The following DCHS1 variants were observed in gnomAD, a reference collection of about 807,000 sequenced individuals.
DCHS1 encodes dachsous cadherin-related 1, also known as protocadherin-16.
DCHS1 carries 78 observed loss-of-function variants against 213.9 expected under a neutral mutation model. The ratio of observed to expected loss-of-function variants is 0.36; its 90% confidence interval spans 0.30 to 0.44. The LOEUF (loss-of-function observed/expected upper bound fraction) is 0.44, where lower values mean the gene tolerates loss of function less well. Among genes scored for constraint, DCHS1 ranks in the 20% least tolerant of loss-of-function variants. The probability of loss-of-function intolerance (pLI) is 1.00; values close to 1 mark genes in which losing one functional copy is unlikely to be tolerated. For synonymous variants in DCHS1, 1,828 were observed against 1,873.7 expected (o/e 0.98, Z 0.63); for missense variants, 3,946 against 4,395.9 (o/e 0.90, Z 2.89).
At chr11:6,649,845 A>G (rs1856219868) in intron 1 of DCHS1, among the ~76,000 whole-genome samples, 5 of 152,238 alleles carry the variant, frequency 3.3e-5, no homozygotes, top group Admixed American at 3.3e-4. Context: ...TGTAGCAACC[A>G]GAATGTTGAA....
Position 6,641,071 on chromosome 11 carries a change from C to G in DCHS1, c.543G>C (p.Ala181=), listed in dbSNP as rs148357575. The G allele has an allele frequency of 6.2e-7, 1 of 1,614,006 alleles. No individual in the cohort carries two copies. The highest frequency in any genetic ancestry group is 1.7e-5 in the Admixed American group (1 of 60,032). ...DAGRLGTQGY[A]LSGDGAGETF... Reference sequence around the variant, plus strand: ...TCTCTCCAGCCCCATCACCAGATAGCGCATAGCCCTGGGTTCCCAGACGCC... The same window carrying G: ...TCTCTCCAGCCCCATCACCAGATAGGGCATAGCCCTGGGTTCCCAGACGCC... The change falls in exon 2 of 21, where the codon GCG becomes GCC. Residue 181 remains alanine, a synonymous_variant. Transcript: ENST00000299441. The surrounding 1 kb of genome is among the most constrained non-coding windows in gnomAD (Gnocchi z 7.1).
In DCHS1 at chr11:6,633,526, C is replaced by T. The variant is rs1855944237; in HGVS notation, c.2341G>A (p.Val781Met). Residue 781 changes from valine to methionine, a missense_variant, in exon 5 of 21, where the codon GTG becomes ATG. Coordinates refer to ENST00000299441, the MANE Select transcript of DCHS1 (RefSeq NM_003737.4). ...ATGGGTGGTGTGGGGGTTCCAGGCA[C>T]AATGCTGATGTCCACTCGGGCACTG... Reference protein sequence around the residue: ...EPSARVDISIVPGTPTPPIFE... With the variant: ...EPSARVDISIMPGTPTPPIFE... 6.3e-7 allele frequency: 1 copy of T among 1,586,560 alleles called. No homozygotes were observed. The highest frequency in any genetic ancestry group is 1.3e-5 in the African/African-American group (1 of 74,384).
At chr11:6,650,012 C>A (rs1455914496) in intron 1 of DCHS1, among the ~76,000 whole-genome samples, 2 of 152,182 alleles carry the variant, frequency 1.3e-5, no homozygotes, top group African/African-American at 4.8e-5. Flanking sequence ...GATACTGCTA[C>A]CTCCATTTTC....
rs186828054 is a variant in DCHS1, at chr11:6,626,568, G to A, written c.6348C>T (p.Ser2116=). The A allele has an allele frequency of 6.2e-7, 1 of 1,613,994 alleles. No homozygotes were observed. The highest frequency in any genetic ancestry group is 1.3e-5 in the African/African-American group (1 of 75,056). Residue 2116 remains serine, a synonymous_variant, in exon 15 of 21, where the codon TCC becomes TCT. Coordinates refer to ENST00000299441, the MANE Select transcript of DCHS1 (RefSeq NM_003737.4). The surrounding 1 kb of genome is among the most constrained non-coding windows in gnomAD (Gnocchi z 5.2). Reference sequence around the variant, plus strand: ...ATTTCTTACCTGTACTAGGCTGGATGGAGAATGTCCCTTTCTCATTCCCAC... The same window carrying A: ...ATTTCTTACCTGTACTAGGCTGGATAGAGAATGTCCCTTTCTCATTCCCAC... The part of the protein sequence containing the change: ...ILSGNEKGTF[S]IQPSTGAITV...
In DCHS1 at chr11:6,625,949, G is replaced by A; in HGVS notation, c.6702C>T (p.Ile2234=). The A allele has an allele frequency of 1.2e-6, 2 of 1,613,638 alleles. No homozygotes were observed. Among genetic ancestry groups the A allele is most frequent in the Non-Finnish European group, 8.5e-7 (1 of 1,179,742 alleles). The change falls in exon 17 of 21, where the codon ATC becomes ATT. Residue 2234 remains isoleucine, a synonymous_variant. Coordinates refer to ENST00000299441, the MANE Select transcript of DCHS1 (RefSeq NM_003737.4). This position sits in a 1 kb window ranked among gnomAD's most constrained non-coding sequence, Gnocchi z 5.3. ...TTTCAGCCCAGATCTCACGGTCCAG[G>A]ATGGCTGTGGTAGTGATAGTGCCTG... The part of the protein sequence containing the change: ...PTTGTITTTA[I]LDREIWAETR...
In DCHS1 at chr11:6,641,073, C is replaced by T; in HGVS notation, c.541G>A (p.Ala181Thr). The T allele has an allele frequency of 6.2e-7, 1 of 1,614,024 alleles. No homozygotes were observed. Among genetic ancestry groups the T allele is most frequent in the Non-Finnish European group, 8.5e-7 (1 of 1,179,896 alleles). Residue 181 changes from alanine (A) to threonine (T), a missense_variant, in exon 2 of 21, where the codon GCG becomes ACG. Coordinates refer to ENST00000299441, the MANE Select transcript of DCHS1 (RefSeq NM_003737.4). This position sits in a 1 kb window ranked among gnomAD's most constrained non-coding sequence, Gnocchi z 7.1. Reference protein sequence around the residue: ...DAGRLGTQGYALSGDGAGETF... With the variant: ...DAGRLGTQGYTLSGDGAGETF... ...TCTCCAGCCCCATCACCAGATAGCG[C>T]ATAGCCCTGGGTTCCCAGACGCCCA...
chr11:6,648,002 T>C (rs960225010), intron 1 of DCHS1, among the ~76,000 whole-genome samples: 6 of 152,208 alleles, frequency 3.9e-5, no homozygotes, highest in Admixed American at 2.0e-4. Flanking sequence ...GGAAGGACTC[T>C]AGACTTCGGC....
At chr11:6,650,439 G>T (rs1856227254) in intron 1 of DCHS1, among the ~76,000 whole-genome samples, 1 of 152,186 alleles carries the variant, frequency 6.6e-6, no homozygotes, top group Admixed American at 6.5e-5. Flanking sequence ...AAGCTGGGAA[G>T]AAGCTAGGAG....
intron 1 of DCHS1, among the ~76,000 whole-genome samples, chr11:6,644,122 T>A (rs1463406578): frequency 6.6e-6 from 1 of 152,222 alleles, no homozygotes; most frequent in African/African-American, 2.4e-5. Flanking sequence ...TGGAGATACC[T>A]ACACAACTCT....
Position 6,625,449 on chromosome 11 carries a change from T to A in DCHS1, c.6895A>T (p.Thr2299Ser). The A allele has an allele frequency of 6.2e-7, 1 of 1,601,952 alleles. No homozygotes were observed. The highest frequency in any genetic ancestry group is 8.5e-7 in the Non-Finnish European group (1 of 1,173,374). ...ALLGSEIAQV[T>S]GNDVDSGPVL... ...GGTCCTGAGTCCACATCATTCCCTG[T>A]TACCTGTGCAATCTCTGAGCCCAAT... Residue 2299 changes from threonine (T) to serine (S), a missense_variant, in exon 19 of 21, where the codon ACA becomes TCA. This residue lies in a region of DCHS1 where 3,384 missense variants were observed against 3,780.1 expected (regional missense o/e 0.90). Coordinates refer to ENST00000299441, the MANE Select transcript of DCHS1 (RefSeq NM_003737.4). This position sits in a 1 kb window ranked among gnomAD's most constrained non-coding sequence, Gnocchi z 5.3.
chr11:6,633,529 T>C lies in DCHS1; in HGVS notation c.2338A>G (p.Ile780Val), dbSNP rs145735483. The change falls in exon 5 of 21, where the codon ATT becomes GTT. Residue 780 changes from isoleucine to valine, a missense_variant. This residue lies in a region of DCHS1 where 3,384 missense variants were observed against 3,780.1 expected (regional missense o/e 0.90). Transcript: ENST00000299441. ...GGTGGTGTGGGGGTTCCAGGCACAA[T>C]GCTGATGTCCACTCGGGCACTGGGT... ...AEPSARVDIS[I>V]VPGTPTPPIF... 128 of 1,587,124 alleles carry C rather than the reference T, an allele frequency of 8.1e-5. 1 individual carries two copies. The African/African-American group carries it at 1.5e-3, about 19-fold the overall frequency.
In DCHS1 at chr11:6,626,939, G is replaced by A. The variant is rs368931265; in HGVS notation, c.6100C>T (p.Arg2034Cys). ...RSPVALGPRDRVLFIVATDLG... is the reference protein window; with the variant it reads ...RSPVALGPRDCVLFIVATDLG... Reference sequence around the variant, plus strand: ...TCAGTGGCCACAATGAAGAGGACACGATCTCGGGGGCCTAGAGCTACAGGA... The same window carrying A: ...TCAGTGGCCACAATGAAGAGGACACAATCTCGGGGGCCTAGAGCTACAGGA... Residue 2034 changes from arginine to cysteine, a missense_variant, in exon 14 of 21, where the codon CGT becomes TGT. By Grantham distance (180) the Arg-to-Cys change is radical. This residue lies in a region of DCHS1 where 3,384 missense variants were observed against 3,780.1 expected (regional missense o/e 0.90). Transcript: ENST00000299441. The surrounding 1 kb of genome is among the most constrained non-coding windows in gnomAD (Gnocchi z 5.2). 11 of 1,613,600 alleles carry A rather than the reference G, an allele frequency of 6.8e-6. No homozygotes were observed. Among genetic ancestry groups the A allele is most frequent in the Middle Eastern group, 1.6e-4 (1 of 6,084 alleles).
rs1855761076 is a variant in DCHS1, at chr11:6,624,456, C to T, written c.7286-66G>A. ...GGCTGTGAGTGAACAGAAGAGTGAC[C>T]CTTCAGGATCTAGGAAATGGTTTTG... is the stretch of plus-strand genomic sequence containing the variant. On this transcript the variant is annotated intron_variant, in intron 20 of 20. Coordinates refer to ENST00000299441, the MANE Select transcript of DCHS1 (RefSeq NM_003737.4). The T allele has an allele frequency of 1.2e-5, 18 of 1,456,274 alleles. No individual in the cohort carries two copies. In the South Asian group the frequency reaches 2.1e-4, roughly 17 times the overall value. 90.2% of individuals were successfully genotyped at this position (1,456,274 alleles called of 1,614,324 possible).
rs768078918 is a variant in DCHS1 at position 6,625,638 on chromosome 11, C to G, written c.6821G>C (p.Arg2274Pro). 8.1e-6 allele frequency: 13 copies of G among 1,613,360 alleles called. No individual in the cohort carries two copies. Among genetic ancestry groups the G allele is most frequent in the Admixed American group, 5.0e-5 (3 of 59,894 alleles). The change falls in exon 18 of 21, where the codon CGC becomes CCC. Residue 2274 changes from arginine to proline, a missense_variant. By Grantham distance (103) the Arg-to-Pro change is moderately radical. This residue lies in a region of DCHS1 where 3,384 missense variants were observed against 3,780.1 expected (regional missense o/e 0.90). Coordinates refer to ENST00000299441, the MANE Select transcript of DCHS1 (RefSeq NM_003737.4). The surrounding 1 kb of genome is among the most constrained non-coding windows in gnomAD (Gnocchi z 5.3). The stretch of plus-strand genomic sequence containing the variant: ...CTCCCAGGGTTGGGGGATGGTGGGG[C>G]GATTGTCATTGGTGTCGATGACCAT... ...TVMVIDTNDN[R>P]PTIPQPWELR...
chr11:6,651,433 G>C (rs1255603417), intron 1 of DCHS1, among the ~76,000 whole-genome samples: 1 of 152,194 alleles, frequency 6.6e-6, no homozygotes, highest in East Asian at 1.9e-4. Flanking sequence ...TGGGAGGCTT[G>C]GGGAGGTCAG....
At chr11:6,654,085 G>A (rs1214345002) in intron 1 of DCHS1, among the ~76,000 whole-genome samples, 5 of 152,184 alleles carry the variant, frequency 3.3e-5, no homozygotes, top group East Asian at 1.9e-4. Flanking sequence ...TCCAGATCTC[G>A]AAGTTTTCAG....
intron 2 of DCHS1, among the ~76,000 whole-genome samples, chr11:6,636,334 G>A (rs1354346199): frequency 2.0e-5 from 3 of 151,318 alleles, no homozygotes; most frequent in African/African-American, 7.3e-5. Context: ...CTTAGCCTCC[G>A]GAACAACTAG....
At chr11:6,631,840 G>C (rs761457136) in intron 6 of DCHS1, 31 bp from the exon 7 acceptor site, 1 of 1,501,130 alleles carries the variant, frequency 6.7e-7, no homozygotes, top group Non-Finnish European at 8.9e-7. Flanking sequence ...TCATGTACGA[G>C]ATGTTTAAGG....
chr11:6,649,066 CA>C (rs1271220338), intron 1 of DCHS1, among the ~76,000 whole-genome samples: 4 of 151,960 alleles, frequency 2.6e-5, no homozygotes, highest in African/African-American at 9.7e-5. Context: ...GCACAATGTC[CA>C]GCACACAGTG....
Sources: allele counts gnomAD v4.1 joint callset (sites outside exome capture counted in the v4.1 genomes callset), GRCh38; gene constraint gnomAD v4.1.1; regional missense constraint gnomAD v4.1.1; non-coding constraint Gnocchi (gnomAD v3.1); transcripts MANE v1.5; gene names NCBI Gene and HGNC (gene_info 2026-07-23, HGNC 2026-07-21).